OPCML: variants seen among roughly 807,000 people sequenced by gnomAD.
The protein encoded by OPCML is opioid binding protein/cell adhesion molecule like.
OPCML carries 13 observed loss-of-function variants against 37.8 expected under a neutral mutation model. The ratio of observed to expected loss-of-function variants is 0.34; its 90% CI spans 0.22 to 0.55. OPCML has a LOEUF of 0.55. Ranked by LOEUF, OPCML falls within the 20% of genes least tolerant of loss-of-function variation. OPCML has a pLI of 0.91. For missense variants in OPCML, 341 were observed against 435.6 expected (o/e 0.78, Z 1.93); for synonymous variants, 176 against 168.8 (o/e 1.04, Z -0.33).
chr11:133,313,972 A>G (rs957469801), intron 1 of OPCML, among the ~76,000 whole-genome samples: 1 of 152,138 alleles, frequency 6.6e-6, no homozygotes, highest in Non-Finnish European at 1.5e-5. Context: ...GCAGTGGCTC[A>G]CGCCTGTAAT....
At chr11:132,635,347 T>C (rs1940421349) in intron 3 of OPCML, among the ~76,000 whole-genome samples, 1 of 152,198 alleles carries the variant, frequency 6.6e-6, no homozygotes, top group South Asian at 2.1e-4. Flanking sequence ...CCATTCCTTG[T>C]TCTTGAAAGA....
At position 133,140,863 on chromosome 11, in the gene OPCML, G is replaced by A. The variant is rs1210350495; in HGVS notation, c.62-197853C>T. ...AGACGACGACGACGACGAAGAAGAC[G>A]ACGACGACGAAGAAGACGACGACGA... is the stretch of plus-strand genomic sequence containing the variant. On this transcript the variant is annotated intron_variant, in intron 1 of 7. Coordinates refer to ENST00000524381, the MANE Select transcript of OPCML (RefSeq NM_001012393.5). Among the ~76,000 whole-genome samples, 2 of 69,778 alleles carry A rather than the reference G, an allele frequency of 2.9e-5. 1 individual carries two copies. Among genetic ancestry groups the A allele is most frequent in the African/African-American group, 6.7e-5 (2 of 29,846 alleles). The allele number at this position is 69,778 out of a possible 152,430, so 45.8% of individuals were successfully genotyped here.
intron 2 of OPCML, among the ~76,000 whole-genome samples, chr11:132,700,864 A>T (rs1369858296): frequency 6.6e-6 from 1 of 152,158 alleles, no homozygotes; most frequent in Non-Finnish European, 1.5e-5. Flanking sequence ...TGATCTATCT[A>T]TCGTTGAAAA....
rs140935827 is a variant in OPCML at position 133,408,251 on chromosome 11, A to G, written c.61+124013T>C. Among the ~76,000 whole-genome samples the G allele has an allele frequency of 1.1e-4, 17 of 152,350 alleles. No individual in the cohort carries two copies. In the East Asian group the frequency reaches 3.3e-3, roughly 29 times the overall value. On this transcript the variant is annotated intron_variant, in intron 1 of 7. Coordinates refer to ENST00000524381, the MANE Select transcript of OPCML (RefSeq NM_001012393.5). ...ATATACATTTAAGAAAGATTAATAA[A>G]AACAGTAAGATAATATTTACCCAGT...
At chr11:132,621,735 T>C (rs1939421888) in intron 3 of OPCML, among the ~76,000 whole-genome samples, 1 of 152,220 alleles carries the variant, frequency 6.6e-6, no homozygotes, top group Admixed American at 6.5e-5. Context: ...GCTGTACATA[T>C]AAGATCTCTG....
intron 1 of OPCML, among the ~76,000 whole-genome samples, chr11:133,520,374 T>A (rs35468298): frequency 0.15 from 22,881 of 151,960 alleles, 2,176 homozygotes; most frequent in Admixed American, 0.28. Flanking sequence ...AAGATGGGTA[T>A]ATGACTGATT....
chr11:132,823,195 T>TG (rs1940094506), intron 2 of OPCML, among the ~76,000 whole-genome samples: 1 of 152,210 alleles, frequency 6.6e-6, no homozygotes, highest in Non-Finnish European at 1.5e-5. Context: ...CCCCTGTCCC[T>TG]GTTCCATTTT....
chr11:132,893,939 C>A lies in OPCML; in HGVS notation c.146+48987G>T, dbSNP rs80181583. Reference sequence around the variant, plus strand: ...CTGGTTGTCTACATTAAATTGAAAACTTCTAGAAGCTAAAGATGCGTCTTT... The same window carrying A: ...CTGGTTGTCTACATTAAATTGAAAAATTCTAGAAGCTAAAGATGCGTCTTT... On this transcript the variant is annotated intron_variant, in intron 2 of 7. Coordinates refer to ENST00000524381, the MANE Select transcript of OPCML (RefSeq NM_001012393.5). 3.6e-3 allele frequency among the ~76,000 whole-genome samples: 554 copies of A among 152,252 alleles called. 10 individuals carry two copies. The East Asian group carries it at 0.041, about 11-fold the overall frequency.
intron 1 of OPCML, among the ~76,000 whole-genome samples, chr11:133,343,746 T>G (rs1943930720): frequency 6.6e-6 from 1 of 152,188 alleles, no homozygotes; most frequent in South Asian, 2.1e-4. Flanking sequence ...TTCAATCACT[T>G]TACAAATGGG....
rs190056351 is a variant in OPCML at position 133,062,458 on chromosome 11, T to C, written c.62-119448A>G. Among the ~76,000 whole-genome samples the C allele has an allele frequency of 1.3e-4, 20 of 152,320 alleles. No individual in the cohort carries two copies. The East Asian group carries it at 3.7e-3, about 28-fold the overall frequency. ...TGAGTAGTTTTCCAAACATTTTTAATTTGCAAATGATATCATTTAATAGAA... is the reference window on the plus strand; with the variant it reads ...TGAGTAGTTTTCCAAACATTTTTAACTTGCAAATGATATCATTTAATAGAA... On this transcript the variant is annotated intron_variant, in intron 1 of 7. Transcript: ENST00000524381.
At chr11:132,684,336 G>A (rs1355560558) in intron 2 of OPCML, among the ~76,000 whole-genome samples, 1 of 152,146 alleles carries the variant, frequency 6.6e-6, no homozygotes, top group East Asian at 1.9e-4. Flanking sequence ...AGTAAATTGA[G>A]CCTCAGAAAG....
At chr11:133,052,121 C>T (rs1035186982) in intron 1 of OPCML, among the ~76,000 whole-genome samples, 9 of 152,160 alleles carry the variant, frequency 5.9e-5, no homozygotes, top group South Asian at 2.1e-4. Flanking sequence ...GATTAAAATA[C>T]ACCAAAAACA....
intron 1 of OPCML, among the ~76,000 whole-genome samples, chr11:133,190,112 G>A (rs1256761202): frequency 6.6e-6 from 1 of 152,190 alleles, no homozygotes; most frequent in Admixed American, 6.5e-5. Context: ...ACACAAATGT[G>A]CCTGATGAAT....
At chr11:132,852,363 C>T (rs909020667) in intron 2 of OPCML, among the ~76,000 whole-genome samples, 3 of 152,138 alleles carry the variant, frequency 2.0e-5, no homozygotes, top group Admixed American at 6.5e-5. Context: ...ATTTTACCTC[C>T]GCTATACCAG....
At position 133,285,299 on chromosome 11, in the gene OPCML, G is replaced by C. The variant is rs563227804; in HGVS notation, c.61+246965C>G. On this transcript the variant is annotated intron_variant, in intron 1 of 7. Coordinates refer to ENST00000524381, the MANE Select transcript of OPCML (RefSeq NM_001012393.5). ...TCACACGTGGCAATTTAAGTTATCT[G>C]ACTTCCCCTACCACAGGTAATGACC... Among the ~76,000 whole-genome samples, 22 of 152,308 alleles carry C rather than the reference G, an allele frequency of 1.4e-4. 1 individual carries two copies. In the South Asian group the frequency reaches 4.6e-3, roughly 32 times the overall value.
chr11:132,625,876 A>G (rs1314948491), intron 3 of OPCML, among the ~76,000 whole-genome samples: 2 of 152,090 alleles, frequency 1.3e-5, no homozygotes, highest in Non-Finnish European at 2.9e-5. Context: ...GATGCTAGCC[A>G]TTTTGAAATG....
At chr11:132,477,499 A>T (rs1188290249) in intron 4 of OPCML, among the ~76,000 whole-genome samples, 1 of 152,188 alleles carries the variant, frequency 6.6e-6, no homozygotes, top group African/African-American at 2.4e-5. Context: ...GGGGCTAGGC[A>T]TACCTTCTGT....
chr11:133,528,137 G>A (rs970835759), intron 1 of OPCML, among the ~76,000 whole-genome samples: 17 of 152,218 alleles, frequency 1.1e-4, no homozygotes, highest in African/African-American at 2.7e-4. Context: ...CAAGCCCGTC[G>A]GGATCTCTGA....
chr11:132,625,642 C>T lies in OPCML; in HGVS notation c.379+31445G>A, dbSNP rs550753084. ...GTGCTAACACGTCACACACATACACCAATGTTGTAGGAGTTGTGTGTCTGC... is the reference window on the plus strand; with the variant it reads ...GTGCTAACACGTCACACACATACACTAATGTTGTAGGAGTTGTGTGTCTGC... On this transcript the variant is annotated intron_variant, in intron 3 of 7. Transcript: ENST00000524381. 2.1e-3 allele frequency among the ~76,000 whole-genome samples: 326 copies of T among 152,234 alleles called. 1 individual carries two copies. Among genetic ancestry groups the T allele is most frequent in the South Asian group, 7.7e-3 (37 of 4,812 alleles).
Sources: allele counts gnomAD v4.1 joint callset (sites outside exome capture counted in the v4.1 genomes callset), GRCh38; gene constraint gnomAD v4.1.1; transcripts MANE v1.5; gene names NCBI Gene and HGNC (gene_info 2026-07-23, HGNC 2026-07-21).